Variants in CSMD1 observed in about 807,000 individuals in gnomAD.
CSMD1 encodes the protein CUB and sushi domain-containing protein 1.
In CSMD1, 213 loss-of-function variants were observed where a neutral mutation model predicts 417.5. The observed-to-expected ratio is 0.51, with a 90% CI of 0.46 to 0.57. The LOEUF (loss-of-function observed/expected upper bound fraction) is 0.57, where lower values mean the gene tolerates loss of function less well. Ranked by LOEUF, CSMD1 falls within the 20% of genes least tolerant of loss-of-function variation. The pLI is 0.00. For missense variants in CSMD1, 6,923 were observed against 4,529.7 expected (o/e 1.53, Z -15.17); for synonymous variants, 2,862 against 1,736.8 (o/e 1.65, Z -16.11).
intron 39 of CSMD1, among the ~76,000 whole-genome samples, chr8:3,152,406 GA>G (rs1434968055): frequency 6.6e-6 from 1 of 152,150 alleles, no homozygotes; most frequent in Non-Finnish European, 1.5e-5. Context: ...AAGCCCAAAG[GA>G]AATGGCTTTA....
At chr8:3,324,506 C>T (rs1392242387) in intron 23 of CSMD1, among the ~76,000 whole-genome samples, 1 of 151,542 alleles carries the variant, frequency 6.6e-6, no homozygotes. Context: ...ACATTCAACC[C>T]CCAGAGACCC....
At chr8:3,439,281 G>GTATATATATATATATATATATATA (rs1168340584) in intron 12 of CSMD1, among the ~76,000 whole-genome samples, 27 of 54,300 alleles carry the variant, frequency 5.0e-4, no homozygotes, top group African/African-American at 9.3e-4. Context: ...GGCAATGTCA[G>GTATATATATATATATATATATATA]TATATATATA....
intron 1 of CSMD1, among the ~76,000 whole-genome samples, chr8:4,762,565 T>C (rs1380288467): frequency 6.6e-6 from 1 of 152,082 alleles, no homozygotes; most frequent in Non-Finnish European, 1.5e-5. Context: ...AAATTCATAG[T>C]CCCATCAACA....
intron 12 of CSMD1, among the ~76,000 whole-genome samples, chr8:3,465,686 T>C (rs1585205420): frequency 6.6e-6 from 1 of 152,188 alleles, no homozygotes; most frequent in East Asian, 1.9e-4. Flanking sequence ...TTGGAGTAGG[T>C]AGGTCAGTAA....
At chr8:4,627,332 T>C (rs1461007389) in intron 2 of CSMD1, among the ~76,000 whole-genome samples, 1 of 152,136 alleles carries the variant, frequency 6.6e-6, no homozygotes, top group Non-Finnish European at 1.5e-5. Context: ...TAAAGCTCAT[T>C]TAAAATCCTG....
chr8:4,196,662 T>C (rs1300232231), intron 3 of CSMD1, among the ~76,000 whole-genome samples: 1 of 152,188 alleles, frequency 6.6e-6, no homozygotes, highest in Non-Finnish European at 1.5e-5. Context: ...TTGTGACCCA[T>C]TCTTCTGCCT....
chr8:3,932,690 C>A (rs1810235592), intron 5 of CSMD1, among the ~76,000 whole-genome samples: 2 of 150,298 alleles, frequency 1.3e-5, no homozygotes, highest in Admixed American at 6.6e-5. Context: ...CTCATAAGAT[C>A]GTAATTCATT....
intron 12 of CSMD1, among the ~76,000 whole-genome samples, chr8:3,415,080 G>C (rs777861941): frequency 2.0e-5 from 3 of 152,052 alleles, no homozygotes; most frequent in East Asian, 3.9e-4. Context: ...TATTAAACTT[G>C]CAATTTAATG....
chr8:3,177,383 C>T lies in CSMD1; in HGVS notation c.5725+3727G>A, dbSNP rs62502891. 2.2e-3 allele frequency among the ~76,000 whole-genome samples: 332 copies of T among 152,312 alleles called. 1 individual carries two copies. The highest frequency in any genetic ancestry group is 3.4e-3 in the Middle Eastern group (1 of 294). On this transcript the variant is annotated intron_variant, in intron 37 of 69. Transcript: ENST00000635120. The stretch of plus-strand genomic sequence containing the variant: ...GACGAGAAGGGCGTGAAACACCATG[C>T]ATGTCCCTGAAGCTTTGCTCTTAGG...
intron 3 of CSMD1, among the ~76,000 whole-genome samples, chr8:4,094,636 G>T (rs1308565595): frequency 6.6e-6 from 1 of 152,098 alleles, no homozygotes; most frequent in East Asian, 1.9e-4. Context: ...CACATGTGGG[G>T]ACACACATGT....
At chr8:3,942,705 T>C (rs966072066) in intron 5 of CSMD1, among the ~76,000 whole-genome samples, 2 of 152,240 alleles carry the variant, frequency 1.3e-5, no homozygotes, top group African/African-American at 4.8e-5. Context: ...TTTAAATTTC[T>C]GTGTTCTTAA....
chr8:3,337,489 G>C (rs879267414), intron 23 of CSMD1, among the ~76,000 whole-genome samples: 20 of 152,040 alleles, frequency 1.3e-4, no homozygotes, highest in Admixed American at 9.8e-4. Context: ...CTTTGCGGTT[G>C]GCAGTCTTGC....
intron 5 of CSMD1, among the ~76,000 whole-genome samples, chr8:3,916,579 A>G (rs1038240448): frequency 1.3e-5 from 2 of 152,176 alleles, no homozygotes; most frequent in African/African-American, 4.8e-5. Context: ...TTGTATGAAC[A>G]TTATGTAGGT....
chr8:3,201,931 T>G (rs1797012730), intron 31 of CSMD1, among the ~76,000 whole-genome samples: 1 of 152,260 alleles, frequency 6.6e-6, no homozygotes, highest in African/African-American at 2.4e-5. Flanking sequence ...TTTTGGCATT[T>G]AATAAAAGAA....
chr8:4,794,598 C>G (rs1291224194), intron 1 of CSMD1, among the ~76,000 whole-genome samples: 1 of 152,128 alleles, frequency 6.6e-6, no homozygotes, highest in Non-Finnish European at 1.5e-5. Context: ...CCCTCACACG[C>G]CTCTGGGCTG....
chr8:3,046,391 G>A (rs1016326711), intron 50 of CSMD1, among the ~76,000 whole-genome samples: 1 of 152,170 alleles, frequency 6.6e-6, no homozygotes, highest in African/African-American at 2.4e-5. Flanking sequence ...CCTACAGTGT[G>A]TAGCTGGGAA....
chr8:4,693,862 C>T (rs1322081644), intron 1 of CSMD1, among the ~76,000 whole-genome samples: 1 of 54,798 alleles, frequency 1.8e-5, no homozygotes, highest in Non-Finnish European at 3.3e-5. Context: ...CTTTTTAACT[C>T]TTCTATTTTC....
At chr8:3,182,798 G>C (rs1006599610) in intron 36 of CSMD1, among the ~76,000 whole-genome samples, 2 of 119,442 alleles carry the variant, frequency 1.7e-5, no homozygotes, top group South Asian at 5.7e-4. Flanking sequence ...CACCGTGTTA[G>C]CCAGGATGGT....
intron 5 of CSMD1, among the ~76,000 whole-genome samples, chr8:3,921,256 T>A (rs1462111929): frequency 6.6e-6 from 1 of 152,130 alleles, no homozygotes; most frequent in African/African-American, 2.4e-5. Context: ...TAATACCTGT[T>A]GTAGTATCAC....
Sources: allele counts gnomAD v4.1 joint callset (sites outside exome capture counted in the v4.1 genomes callset), GRCh38; gene constraint gnomAD v4.1.1; transcripts MANE v1.5; gene names NCBI Gene and HGNC (gene_info 2026-07-23, HGNC 2026-07-21).